The following HMG20B variants were observed in gnomAD, a reference collection of about 807,000 sequenced individuals.
HMG20B encodes the protein high mobility group 20B.
In HMG20B, 24 loss-of-function variants were observed where a neutral mutation model predicts 41.6. That is an observed-to-expected ratio of 0.58 (90% confidence interval 0.42 to 0.81). The LOEUF (loss-of-function observed/expected upper bound fraction) is 0.81, where lower values mean the gene tolerates loss of function less well. Among genes scored for constraint, HMG20B ranks in the 30% least tolerant of loss-of-function variants. HMG20B has a pLI of 0.00. For missense variants in HMG20B, 461 were observed against 444.0 expected (o/e 1.04, Z -0.34); for synonymous variants, 251 against 186.6 (o/e 1.34, Z -2.81).
At chr19:3,576,181 T>C in intron 5 of HMG20B, 80 bp from the exon 6 acceptor site, 1 of 1,305,400 alleles carries the variant, frequency 7.7e-7, no homozygotes, top group Admixed American at 1.7e-5. Flanking sequence ...TGGAGCCGGC[T>C]GAGCAGCGCT....
At chr19:3,575,053 G>C (rs1329627119) in intron 4 of HMG20B, among the ~76,000 whole-genome samples, 1 of 152,150 alleles carries the variant, frequency 6.6e-6, no homozygotes, top group Admixed American at 6.5e-5. Flanking sequence ...CTAGCAAGAG[G>C]CAAGACAGAT....
rs545608751 is a variant in HMG20B, at chr19:3,578,287, G to T, written c.941+174G>T. 28 of 1,140,792 alleles carry T rather than the reference G, an allele frequency of 2.5e-5. No individual in the cohort carries two copies. In the Middle Eastern group the frequency reaches 6.4e-4, roughly 26 times the overall value. 70.7% of individuals were successfully genotyped at this position (1,140,792 alleles called of 1,614,324 possible). On this transcript the variant is annotated intron_variant, in intron 9 of 9. Transcript: ENST00000333651. ...GATGCACCAGTGCTAGGATGGCCAT[G>T]GAGAACCCCGGGCCGGCGGGACCCA...
intron 6 of HMG20B, 87 bp downstream of exon 6, chr19:3,576,394 G>C: frequency 2.1e-6 from 3 of 1,448,944 alleles, no homozygotes; most frequent in Non-Finnish European, 1.9e-6. Context: ...TGCTCGCCCA[G>C]ATGTGTGCAA....
chr19:3,576,389 G>C, intron 6 of HMG20B, 82 bp downstream of exon 6: 1 of 1,468,946 alleles, frequency 6.8e-7, no homozygotes, highest in African/African-American at 1.4e-5. Context: ...GCCAGTGCTC[G>C]CCCAGATGTG....
In HMG20B at chr19:3,573,743, C is replaced by T. The variant is rs376900347; in HGVS notation, c.90C>T (p.Val30=). The T allele has an allele frequency of 1.3e-6, 2 of 1,546,072 alleles. No homozygotes were observed. Among genetic ancestry groups the T allele is most frequent in the African/African-American group, 1.4e-5 (1 of 71,514 alleles). The change falls in exon 3 of 10, where the codon GTC becomes GTT. Residue 30 remains valine (V), a synonymous_variant. Transcript: ENST00000333651. The stretch of plus-strand genomic sequence containing the variant: ...AGCATGGGGGCTTCGTGGTGACTGT[C>T]AAGCAAGAGCGCGGCGAGGGTCCAC... ...PGQHGGFVVT[V]KQERGEGPRA...
In HMG20B at chr19:3,575,962, A is replaced by G. The variant is rs2032152796; in HGVS notation, c.473-299A>G. On this transcript the variant is annotated intron_variant, in intron 5 of 9. Coordinates refer to ENST00000333651, the MANE Select transcript of HMG20B (RefSeq NM_006339.3). ...CCGTCTCAAAAAAAAAAAAAAAAGA[A>G]AAAGAAAAATGAAAGGTGGGAGGGG... The G allele has an allele frequency of 5.7e-6, 3 of 523,702 alleles. No homozygotes were observed. The East Asian group carries it at 9.5e-5, about 17-fold the overall frequency. The allele number at this position is 523,702 out of a possible 1,614,324, so 32.4% of individuals were successfully genotyped here. A position where few individuals can be genotyped will look rare whatever the true frequency, so the allele number is the denominator to read the frequency against.
At chr19:3,574,166 A>G (rs530263868) in intron 3 of HMG20B, 5 of 610,680 alleles carry the variant, frequency 8.2e-6, no homozygotes, top group South Asian at 5.8e-5. Flanking sequence ...ACCTCGGCCC[A>G]TAGTTCCTCA....
chr19:3,577,073 G>T lies in HMG20B; in HGVS notation c.774G>T (p.Ala258=), dbSNP rs1207147787. The T allele has an allele frequency of 3.2e-6, 5 of 1,541,540 alleles. No homozygotes were observed. In the South Asian group the frequency reaches 4.8e-5, roughly 15 times the overall value. The part of the protein sequence containing the change: ...LQQQLQAVRQ[A]LTASFASLPV... Reference sequence around the variant, plus strand: ...AGCAGCTCCAGGCCGTGCGCCAGGCGCTCACCGCCAGCTTCGCCTCACTGC... The same window carrying T: ...AGCAGCTCCAGGCCGTGCGCCAGGCTCTCACCGCCAGCTTCGCCTCACTGC... Residue 258 remains alanine (A), a synonymous_variant, in exon 8 of 10, where the codon GCG becomes GCT. Coordinates refer to ENST00000333651, the MANE Select transcript of HMG20B (RefSeq NM_006339.3).
At chr19:3,576,707 T>C in intron 7 of HMG20B, 82 bp downstream of exon 7, 5 of 1,370,706 alleles carry the variant, frequency 3.6e-6, no homozygotes, top group Non-Finnish European at 5.1e-6. Context: ...GCCCCAAGAC[T>C]GCAGGAGGCG....
chr19:3,575,943 C>CAAAA (rs71166913), intron 5 of HMG20B: 105 of 289,490 alleles, frequency 3.6e-4, no homozygotes, highest in South Asian at 1.2e-3. Flanking sequence ...GACTCCGTCT[C>CAAAA]AAAAAAAAAA....
chr19:3,573,496 C>A, intron 2 of HMG20B, 149 bp downstream of exon 2: 1 of 956,656 alleles, frequency 1.0e-6, no homozygotes, highest in South Asian at 1.8e-5. Context: ...CTGCACCCCC[C>A]ACCTCGGCCT....
chr19:3,578,782 C>T lies in HMG20B; in HGVS notation c.*261C>T, dbSNP rs745537462. 5.4e-6 allele frequency: 4 copies of T among 736,332 alleles called. 1 individual carries two copies. The highest frequency in any genetic ancestry group is 3.4e-5 in the African/African-American group (2 of 58,348). 45.6% of individuals were successfully genotyped at this position (736,332 alleles called of 1,614,324 possible). ...GCCGAGGGTGCCCCTCCTCGGAGGA[C>T]AGCCACGCGCTACACTGGCTCTCCG... is the stretch of plus-strand genomic sequence containing the variant. On this transcript the variant is annotated 3_prime_UTR_variant, in exon 10 of 10. Coordinates refer to ENST00000333651, the MANE Select transcript of HMG20B (RefSeq NM_006339.3).
chr19:3,578,398 C>G (rs2032220709), intron 9 of HMG20B, 111 bp from the exon 10 acceptor site: 2 of 1,399,760 alleles, frequency 1.4e-6, no homozygotes, highest in East Asian at 2.5e-5. Flanking sequence ...TCCCCCAACC[C>G]TGGCATCTGT....
rs2032175317 is a variant in HMG20B at position 3,576,971 on chromosome 19, G to A, written c.672G>A (p.Thr224=). ...AGAACGCGGTACTGCAGAGGCACAC[G>A]CAGAGCATGAGCAGCGCGCGCGAGC... ...EEQNAVLQRH[T]QSMSSARERL... Residue 224 remains threonine (T), a synonymous_variant, in exon 8 of 10, where the codon ACG becomes ACA. Coordinates refer to ENST00000333651, the MANE Select transcript of HMG20B (RefSeq NM_006339.3). The A allele has an allele frequency of 1.3e-6, 2 of 1,578,182 alleles. No homozygotes were observed. Among genetic ancestry groups the A allele is most frequent in the South Asian group, 1.2e-5 (1 of 86,072 alleles).
At chr19:3,577,462 C>CA (rs1315272032) in intron 8 of HMG20B, among the ~76,000 whole-genome samples, 1 of 147,818 alleles carries the variant, frequency 6.8e-6, no homozygotes, top group Non-Finnish European at 1.5e-5. Context: ...CCCGCAGCCC[C>CA]TTTGTGCCCC....
In HMG20B at chr19:3,572,953, G is replaced by A. The variant is rs886306991; in HGVS notation, c.-60G>A. ...GGGGCGGGCTGCGGGCGGTTGGTTGGAGCGTCGCGCAGTCGGGAGGTCCGG... is the reference window on the plus strand; with the variant it reads ...GGGGCGGGCTGCGGGCGGTTGGTTGAAGCGTCGCGCAGTCGGGAGGTCCGG... On this transcript the variant is annotated 5_prime_UTR_variant, in exon 1 of 10. Coordinates refer to ENST00000333651, the MANE Select transcript of HMG20B (RefSeq NM_006339.3). 8.1e-6 allele frequency: 2 copies of A among 245,816 alleles called. No homozygotes were observed. Among genetic ancestry groups the A allele is most frequent in the Non-Finnish European group, 1.6e-5 (2 of 126,934 alleles). 15.2% of individuals were successfully genotyped at this position (245,816 alleles called of 1,614,324 possible). A position where few individuals can be genotyped will look rare whatever the true frequency, so the allele number is the denominator to read the frequency against.
rs1301010885 is a variant in HMG20B, at chr19:3,577,111, C to T, written c.808+4C>T. 3 of 1,520,576 alleles carry T rather than the reference C, an allele frequency of 2.0e-6. No individual in the cohort carries two copies. The highest frequency in any genetic ancestry group is 8.8e-7 in the Non-Finnish European group (1 of 1,137,796). 94.2% of individuals were successfully genotyped at this position (1,520,576 alleles called of 1,614,324 possible). A position where few individuals can be genotyped will look rare whatever the true frequency, so the allele number is the denominator to read the frequency against. ...TTCGCCTCACTGCCGGTGCCGGGTG[C>T]GGGCCACGCCCATCTCCCAGTCCCG... is the stretch of plus-strand genomic sequence containing the variant. On this transcript the variant is annotated splice_donor_region_variant and intron_variant, in intron 8 of 9. Transcript: ENST00000333651.
chr19:3,578,215 G>T, intron 9 of HMG20B, 102 bp downstream of exon 9: 1 of 1,473,168 alleles, frequency 6.8e-7, no homozygotes, highest in Non-Finnish European at 9.2e-7. Context: ...GGACTCCGCA[G>T]CTTACTAGAG....
At chr19:3,574,756 T>A (rs2032123111) in intron 4 of HMG20B, among the ~76,000 whole-genome samples, 170 bp downstream of exon 4, 1 of 151,518 alleles carries the variant, frequency 6.6e-6, no homozygotes, top group South Asian at 2.1e-4. Flanking sequence ...TCTTGCTCTG[T>A]TGCCCAGGCT....
Sources: allele counts gnomAD v4.1 joint callset (sites outside exome capture counted in the v4.1 genomes callset), GRCh38; gene constraint gnomAD v4.1.1; transcripts MANE v1.5; gene names NCBI Gene and HGNC (gene_info 2026-07-23, HGNC 2026-07-21).